LDB2: variants seen among roughly 807,000 people sequenced by gnomAD.
LDB2 encodes the protein LIM domain binding 2, also known as LIM domain-binding protein 2.
LDB2 carries 12 observed loss-of-function variants against 44.3 expected under a neutral mutation model. The ratio of observed to expected loss-of-function variants is 0.27; its 90% CI spans 0.17 to 0.44. The LOEUF is 0.44. Ranked by LOEUF, LDB2 falls within the 20% of genes least tolerant of loss-of-function variation. LDB2 has a pLI of 1.00. For missense variants in LDB2, 344 were observed against 473.5 expected (o/e 0.73, Z 2.54); for synonymous variants, 164 against 174.8 (o/e 0.94, Z 0.49).
chr4:16,739,717 TATATAC>T (rs1357244578), intron 2 of LDB2, among the ~76,000 whole-genome samples: 3 of 112,332 alleles, frequency 2.7e-5, no homozygotes, highest in Non-Finnish European at 5.3e-5. Flanking sequence ...TATATATGTA[TATATAC>T]ATATATGTGT....
At chr4:16,817,622 GAAT>G (rs995906051) in intron 1 of LDB2, among the ~76,000 whole-genome samples, 8 of 152,178 alleles carry the variant, frequency 5.3e-5, no homozygotes, top group African/African-American at 1.7e-4. Context: ...CTTTGCTGTA[GAAT>G]AATAATAATT....
At chr4:16,762,972 T>C (rs1366534796) in intron 1 of LDB2, among the ~76,000 whole-genome samples, 1 of 152,050 alleles carries the variant, frequency 6.6e-6, no homozygotes, top group East Asian at 1.9e-4. Context: ...GAATGAGAAA[T>C]GTCATATGAT....
intron 2 of LDB2, among the ~76,000 whole-genome samples, chr4:16,598,747 A>G (rs1378377164): frequency 6.6e-6 from 1 of 152,128 alleles, no homozygotes; most frequent in African/African-American, 2.4e-5. Context: ...TACAGAAGAA[A>G]AGCAAAGCAA....
chr4:16,655,903 T>TTTTTTTTC (rs1739685224), intron 2 of LDB2, among the ~76,000 whole-genome samples: 1 of 134,508 alleles, frequency 7.4e-6, no homozygotes, highest in Non-Finnish European at 1.6e-5. Context: ...AAACTTTTTT[T>TTTTTTTTC]TTTTTTTTTT....
At chr4:16,563,337 T>C (rs1191249518) in intron 5 of LDB2, among the ~76,000 whole-genome samples, 1 of 150,526 alleles carries the variant, frequency 6.6e-6, no homozygotes, top group African/African-American at 2.4e-5. Flanking sequence ...AAAACCTCCA[T>C]GTCATGTTTG....
At chr4:16,663,181 G>T (rs1486143909) in intron 2 of LDB2, among the ~76,000 whole-genome samples, 1 of 152,120 alleles carries the variant, frequency 6.6e-6, no homozygotes, top group Non-Finnish European at 1.5e-5. Flanking sequence ...ATGCTAAATG[G>T]TTCACTCTAA....
At chr4:16,695,229 C>T (rs1187433898) in intron 2 of LDB2, among the ~76,000 whole-genome samples, 1 of 152,028 alleles carries the variant, frequency 6.6e-6, no homozygotes, top group Non-Finnish European at 1.5e-5. Flanking sequence ...TAGATGCAGG[C>T]CACAAAAAGT....
chr4:16,772,254 AT>A (rs1770877286), intron 1 of LDB2, among the ~76,000 whole-genome samples: 1 of 152,148 alleles, frequency 6.6e-6, no homozygotes, highest in Non-Finnish European at 1.5e-5. Flanking sequence ...TGATCATTCA[AT>A]TTTGTTTGTT....
At chr4:16,873,443 C>T (rs1580392928) in intron 1 of LDB2, among the ~76,000 whole-genome samples, 1 of 152,062 alleles carries the variant, frequency 6.6e-6, no homozygotes, top group Non-Finnish European at 1.5e-5. Context: ...ACCTGGCATT[C>T]GGCCTGGGGT....
intron 2 of LDB2, among the ~76,000 whole-genome samples, chr4:16,666,647 A>G (rs11734708): frequency 6.6e-6 from 1 of 152,088 alleles, no homozygotes; most frequent in Non-Finnish European, 1.5e-5. Context: ...GTGGCTTCAC[A>G]CCAGTTACCT....
In LDB2 at chr4:16,561,623, C is replaced by T. The variant is rs530454603; in HGVS notation, c.615+24299G>A. Among the ~76,000 whole-genome samples, 238 of 152,232 alleles carry T rather than the reference C, an allele frequency of 1.6e-3. 1 individual carries two copies. Among genetic ancestry groups the T allele is most frequent in the African/African-American group, 5.3e-3 (220 of 41,534 alleles). ...GCTCATGGGTAGGAAGAATCAATAT[C>T]CTGAAAATGGCCATACTGCCCAAGG... On this transcript the variant is annotated intron_variant, in intron 5 of 7. Coordinates refer to ENST00000304523, the MANE Select transcript of LDB2 (RefSeq NM_001290.5).
intron 5 of LDB2, among the ~76,000 whole-genome samples, chr4:16,522,675 A>G (rs900644226): frequency 1.4e-4 from 21 of 152,186 alleles, no homozygotes; most frequent in African/African-American, 4.8e-4. Flanking sequence ...ACACACACAC[A>G]TAACCTGAAA....
At chr4:16,802,987 C>T (rs1287135758) in intron 1 of LDB2, among the ~76,000 whole-genome samples, 1 of 152,152 alleles carries the variant, frequency 6.6e-6, no homozygotes, top group African/African-American at 2.4e-5. Context: ...CCAGAGACCC[C>T]TCGACCGCTG....
In LDB2 at chr4:16,655,896, C is replaced by CTTTTTTTTTTTTTTT. The variant is rs747097456; in HGVS notation, c.236-60036_236-60022dup. On this transcript the variant is annotated intron_variant, in intron 2 of 7. Coordinates refer to ENST00000304523, the MANE Select transcript of LDB2 (RefSeq NM_001290.5). Reference sequence around the variant, plus strand: ...AAACGTTGGTTGTTCTGCAAGAAAACTTTTTTTTTTTTTTTTTTTTTGAGA... The same window carrying CTTTTTTTTTTTTTTT: ...AAACGTTGGTTGTTCTGCAAGAAAACTTTTTTTTTTTTTTTTTTTTTTTTTTTTTTTTTTTTGAGA... Among the ~76,000 whole-genome samples, 54 of 93,308 alleles carry CTTTTTTTTTTTTTTT rather than the reference C, an allele frequency of 5.8e-4. 4 individuals are homozygous for CTTTTTTTTTTTTTTT. The highest frequency in any genetic ancestry group is 1.3e-3 in the African/African-American group (30 of 22,784). The allele number at this position is 93,308 out of a possible 152,430, so 61.2% of individuals were successfully genotyped here. A position where few individuals can be genotyped will look rare whatever the true frequency, so the allele number is the denominator to read the frequency against.
intron 6 of LDB2, among the ~76,000 whole-genome samples, chr4:16,509,444 G>GGACTT (rs941765620): frequency 8.5e-5 from 13 of 152,132 alleles, no homozygotes; most frequent in African/African-American, 2.9e-4. Context: ...AAAATATTTT[G>GGACTT]GACTTGAAGG....
chr4:16,597,021 A>C (rs1473832816), intron 2 of LDB2, among the ~76,000 whole-genome samples: 1 of 152,244 alleles, frequency 6.6e-6, no homozygotes, highest in Non-Finnish European at 1.5e-5. Flanking sequence ...AGATAAATAA[A>C]CTACCAAAGA....
intron 2 of LDB2, among the ~76,000 whole-genome samples, chr4:16,685,878 G>A (rs778607107): frequency 1.3e-4 from 19 of 151,982 alleles, no homozygotes; most frequent in Non-Finnish European, 2.5e-4. Context: ...GCGAAATCCC[G>A]TCTCTACTAA....
intron 2 of LDB2, among the ~76,000 whole-genome samples, chr4:16,619,700 C>A (rs1471008909): frequency 6.6e-6 from 1 of 151,972 alleles, no homozygotes; most frequent in African/African-American, 2.4e-5. Context: ...GATTTATGAA[C>A]AATATCTCAC....
At chr4:16,686,510 T>C (rs1423146536) in intron 2 of LDB2, among the ~76,000 whole-genome samples, 2 of 152,214 alleles carry the variant, frequency 1.3e-5, no homozygotes, top group African/African-American at 4.8e-5. Flanking sequence ...CAAGAAATGA[T>C]AAGAATCTTT....
Sources: allele counts gnomAD v4.1 joint callset (sites outside exome capture counted in the v4.1 genomes callset), GRCh38; gene constraint gnomAD v4.1.1; transcripts MANE v1.5; gene names NCBI Gene and HGNC (gene_info 2026-07-23, HGNC 2026-07-21).